The following CHRM3 variants were observed in gnomAD, a reference collection of about 807,000 sequenced individuals.
CHRM3 encodes muscarinic acetylcholine receptor M3.
Under a neutral mutation model 41.8 loss-of-function variants are expected in CHRM3, and 11 were observed. The observed-to-expected ratio is 0.26, with a 90% CI of 0.17 to 0.44. The LOEUF is 0.44. Ranked by LOEUF, CHRM3 falls within the 20% of genes least tolerant of loss-of-function variation. The pLI, the probability that CHRM3 is intolerant of heterozygous loss-of-function variation, is 1.00. For synonymous variants in CHRM3, 297 were observed against 301.4 expected, an observed-to-expected ratio of 0.99 and a Z score of 0.15; for missense variants, 571 against 745.4, an observed-to-expected ratio of 0.77 and a Z score of 2.72.
chr1:239,888,917 G>A (rs1193319709), intron 6 of CHRM3, among the ~76,000 whole-genome samples: 3 of 152,174 alleles, frequency 2.0e-5, no homozygotes, highest in Admixed American at 1.3e-4. Context: ...AGCTAAGCCA[G>A]CAACGGAGGA....
At chr1:239,774,374 G>A (rs12567611) in intron 5 of CHRM3, among the ~76,000 whole-genome samples, 16,899 of 152,124 alleles carry the variant, frequency 0.11, 1,221 homozygotes, top group East Asian at 0.39. Flanking sequence ...GAGGGATGGG[G>A]TGGGTACTCA....
intron 5 of CHRM3, among the ~76,000 whole-genome samples, chr1:239,758,507 T>C (rs1666424923): frequency 6.6e-6 from 1 of 152,192 alleles, no homozygotes; most frequent in South Asian, 2.1e-4. Context: ...CTTATTGGAA[T>C]ATGAAGATAT....
intron 6 of CHRM3, among the ~76,000 whole-genome samples, chr1:239,867,180 G>A (rs1676183520): frequency 6.6e-6 from 1 of 152,178 alleles, no homozygotes; most frequent in African/African-American, 2.4e-5. Flanking sequence ...AAACCAAGTA[G>A]AATTATAAAA....
intron 3 of CHRM3, among the ~76,000 whole-genome samples, chr1:239,618,742 G>C (rs1230262612): frequency 2.7e-5 from 4 of 149,198 alleles, no homozygotes; most frequent in South Asian, 2.2e-4. Context: ...TACTTGGGAG[G>C]CTGAGGCAGG....
At position 239,907,712 on chromosome 1, in the gene CHRM3, C is replaced by T; in HGVS notation, c.261C>T (p.Ile87=). 1.2e-6 allele frequency: 2 copies of T among 1,614,198 alleles called. No individual in the cohort carries two copies. Among genetic ancestry groups the T allele is most frequent in the East Asian group, 4.5e-5 (2 of 44,878 alleles). The part of the protein sequence containing the change: ...ILALVTIIGN[I]LVIVSFKVNK... ...CCTTGGTGACCATCATCGGCAACAT[C>T]CTGGTAATTGTGTCATTTAAGGTCA... Residue 87 remains isoleucine, a synonymous_variant, in exon 7 of 7, where the codon ATC becomes ATT. Coordinates refer to ENST00000676153, the MANE Select transcript of CHRM3 (RefSeq NM_001375978.1). This position sits in a 1 kb window ranked among gnomAD's most constrained non-coding sequence, Gnocchi z 5.4.
intron 6 of CHRM3, among the ~76,000 whole-genome samples, chr1:239,867,279 C>A (rs1465146540): frequency 2.0e-5 from 3 of 152,234 alleles, no homozygotes; most frequent in Non-Finnish European, 2.9e-5. Context: ...CTTGTACATA[C>A]AAAACCAGTG....
chr1:239,413,043 A>T (rs1661224998), intron 1 of CHRM3, among the ~76,000 whole-genome samples: 1 of 151,512 alleles, frequency 6.6e-6, no homozygotes, highest in Non-Finnish European at 1.5e-5. Context: ...CCGTCACTCC[A>T]TTCCAGCCTG....
At chr1:239,394,464 C>G (rs1659309423) in intron 1 of CHRM3, among the ~76,000 whole-genome samples, 1 of 152,196 alleles carries the variant, frequency 6.6e-6, no homozygotes, top group Non-Finnish European at 1.5e-5. Flanking sequence ...CTCCTCCTTT[C>G]AAGAGCTTTA....
At chr1:239,404,720 A>ATATATAT (rs1660440846) in intron 1 of CHRM3, among the ~76,000 whole-genome samples, 1 of 5,834 alleles carries the variant, frequency 1.7e-4, no homozygotes, top group Admixed American at 2.1e-3. Flanking sequence ...CTATATCTAA[A>ATATATAT]TATATATATA....
intron 5 of CHRM3, among the ~76,000 whole-genome samples, chr1:239,803,224 A>G (rs1670357248): frequency 6.6e-6 from 1 of 152,010 alleles, no homozygotes; most frequent in Non-Finnish European, 1.5e-5. Flanking sequence ...GTAGGGCAAG[A>G]CTCCATTGTG....
chr1:239,621,473 A>G (rs1451986164), intron 3 of CHRM3, among the ~76,000 whole-genome samples: 2 of 152,192 alleles, frequency 1.3e-5, no homozygotes, highest in African/African-American at 4.8e-5. Flanking sequence ...TCTTACACCA[A>G]ACAGTTAGCC....
intron 2 of CHRM3, among the ~76,000 whole-genome samples, chr1:239,521,893 G>C (rs1223330135): frequency 6.6e-6 from 1 of 152,168 alleles, no homozygotes; most frequent in East Asian, 1.9e-4. Context: ...ATACATGGGA[G>C]AATATGCATA....
At chr1:239,634,376 CGAAAGAAAGAAA>C (rs370634927) in intron 4 of CHRM3, among the ~76,000 whole-genome samples, 5 of 135,458 alleles carry the variant, frequency 3.7e-5, no homozygotes, top group African/African-American at 8.5e-5. Context: ...CAAGAACAAA[CGAAAGAAAGAAA>C]GAAAGAAAGA....
chr1:239,543,791 AGCC>A (rs1659021013), intron 2 of CHRM3, among the ~76,000 whole-genome samples: 1 of 152,034 alleles, frequency 6.6e-6, no homozygotes, highest in Non-Finnish European at 1.5e-5. Context: ...TACAGGTGCG[AGCC>A]ACCGCGCCCT....
chr1:239,632,019 A>G (rs1669893355), intron 3 of CHRM3, among the ~76,000 whole-genome samples: 1 of 152,168 alleles, frequency 6.6e-6, no homozygotes, highest in Non-Finnish European at 1.5e-5. Flanking sequence ...AGTGACGGGT[A>G]CCTTAACTTC....
intron 3 of CHRM3, among the ~76,000 whole-genome samples, chr1:239,615,087 GC>G (rs1215530613): frequency 6.6e-6 from 1 of 152,142 alleles, no homozygotes; most frequent in African/African-American, 2.4e-5. Context: ...GAAAAAGGAT[GC>G]GGGAGGTCAG....
intron 4 of CHRM3, among the ~76,000 whole-genome samples, chr1:239,665,976 A>C (rs1573202760): frequency 6.6e-6 from 1 of 152,178 alleles, no homozygotes; most frequent in East Asian, 1.9e-4. Flanking sequence ...TGCAATAAAC[A>C]TACATGTGCA....
chr1:239,571,618 C>A (rs1053171366), intron 3 of CHRM3, among the ~76,000 whole-genome samples: 1 of 152,076 alleles, frequency 6.6e-6, no homozygotes, highest in Admixed American at 6.6e-5. Flanking sequence ...TCCCTGTGGC[C>A]CTTACAGCAC....
intron 3 of CHRM3, among the ~76,000 whole-genome samples, chr1:239,586,601 G>A (rs1158354345): frequency 2.0e-5 from 3 of 152,056 alleles, no homozygotes; most frequent in Non-Finnish European, 1.5e-5. Flanking sequence ...GTACTCAGCT[G>A]TTCTTTTAGA....
Sources: gnomAD v4.1 joint callset for allele counts (sites outside exome capture counted in the v4.1 genomes callset) on GRCh38, gnomAD v4.1.1 for gene constraint, Gnocchi (gnomAD v3.1) non-coding constraint, MANE v1.5 for transcripts, NCBI Gene and HGNC (gene_info 2026-07-23, HGNC 2026-07-21) for gene names.